DLGAP2: variants seen among roughly 807,000 people sequenced by gnomAD.
DLGAP2 encodes disks large-associated protein 2.
DLGAP2 carries 26 observed loss-of-function variants against 100.3 expected under a neutral mutation model. That is an observed-to-expected ratio of 0.26 (90% CI 0.19 to 0.36). The LOEUF is 0.36. Among genes scored for constraint, DLGAP2 ranks in the 10% least tolerant of loss-of-function variants. DLGAP2 has a pLI of 1.00. For missense variants in DLGAP2, 1,858 were observed against 1,453.2 expected, an observed-to-expected ratio of 1.28 and a Z score of -4.53; for synonymous variants, 886 against 630.1, an observed-to-expected ratio of 1.41 and a Z score of -6.08.
intron 2 of DLGAP2, among the ~76,000 whole-genome samples, chr8:1,181,284 G>T (rs1476742032): frequency 6.6e-6 from 1 of 152,252 alleles, no homozygotes; most frequent in African/African-American, 2.4e-5. Context: ...GTGTGCAAGG[G>T]CAGTACACTT....
intron 3 of DLGAP2, among the ~76,000 whole-genome samples, chr8:1,353,514 G>A (rs1255096076): frequency 1.3e-5 from 2 of 152,170 alleles, no homozygotes; most frequent in African/African-American, 4.8e-5. Context: ...CACGTTTAAG[G>A]TTGGCCAGGC....
At chr8:1,558,012 T>A (rs527595662) in intron 5 of DLGAP2, among the ~76,000 whole-genome samples, 17 of 152,340 alleles carry the variant, frequency 1.1e-4, no homozygotes, top group African/African-American at 4.1e-4. Flanking sequence ...TCCCGCTGAA[T>A]GGCTGAGGGC....
intron 2 of DLGAP2, among the ~76,000 whole-genome samples, chr8:1,102,268 CATATATA>C (rs931131111): frequency 3.4e-5 from 5 of 146,446 alleles, no homozygotes; most frequent in African/African-American, 1.2e-4. Context: ...TATTTACATA[CATATATA>C]ATATATAATA....
rs192885841 is a variant in DLGAP2 at position 1,252,769 on chromosome 8, G to A, written c.74-6082G>A. 5.6e-4 allele frequency among the ~76,000 whole-genome samples: 85 copies of A among 152,374 alleles called. No homozygotes were observed. In the East Asian group the frequency reaches 0.013, roughly 23 times the overall value. On this transcript the variant is annotated intron_variant, in intron 2 of 14. Transcript: ENST00000637795. Reference sequence around the variant, plus strand: ...CTAGAGCTCCTGTTGAAGCGCGGCCGGATGTGGTGCCTCCAGGTGGCTGCT... The same window carrying A: ...CTAGAGCTCCTGTTGAAGCGCGGCCAGATGTGGTGCCTCCAGGTGGCTGCT...
chr8:1,232,558 C>T (rs771485073), intron 2 of DLGAP2, among the ~76,000 whole-genome samples: 1 of 152,220 alleles, frequency 6.6e-6, no homozygotes, highest in African/African-American at 2.4e-5. Context: ...GTGATGGGGG[C>T]TGTGGCTGTT....
intron 1 of DLGAP2, among the ~76,000 whole-genome samples, chr8:781,994 C>T (rs1265302814): frequency 6.6e-6 from 1 of 151,926 alleles, no homozygotes; most frequent in Non-Finnish European, 1.5e-5. Flanking sequence ...AAAGAGAAAA[C>T]CTGGTGTTCA....
Position 921,051 on chromosome 8 carries a change from C to G in DLGAP2, c.73+13085C>G, listed in dbSNP as rs576150738. On this transcript the variant is annotated intron_variant, in intron 2 of 14. Coordinates refer to ENST00000637795, the MANE Select transcript of DLGAP2 (RefSeq NM_001346810.2). ...CAGGTTTACCTAAGTGTACATTTCA[C>G]TCTTTGTAACTTCGCAACTTGATGC... 2.3e-4 allele frequency among the ~76,000 whole-genome samples: 35 copies of G among 152,328 alleles called. 1 individual carries two copies. Among genetic ancestry groups the G allele is most frequent in the Admixed American group, 1.5e-3 (23 of 15,294 alleles).
At chr8:1,460,243 A>T (rs1300569439) in intron 3 of DLGAP2, among the ~76,000 whole-genome samples, 1 of 152,220 alleles carries the variant, frequency 6.6e-6, no homozygotes, top group East Asian at 1.9e-4. Context: ...GCTCCAATAC[A>T]ACAGAGCCAT....
intron 3 of DLGAP2, among the ~76,000 whole-genome samples, chr8:1,372,635 C>G (rs1186758524): frequency 8.5e-5 from 13 of 152,182 alleles, no homozygotes; most frequent in Non-Finnish European, 1.8e-4. Flanking sequence ...TCCAGAGTGA[C>G]CTGTCTGATG....
chr8:1,476,469 G>A (rs557605301), intron 3 of DLGAP2, among the ~76,000 whole-genome samples: 44 of 152,248 alleles, frequency 2.9e-4, no homozygotes, highest in African/African-American at 8.4e-4. Context: ...TCGGCTGAGC[G>A]CAGCGTGGGT....
chr8:1,660,239 G>C (rs925221491), intron 8 of DLGAP2, among the ~76,000 whole-genome samples: 1 of 152,154 alleles, frequency 6.6e-6, no homozygotes, highest in African/African-American at 2.4e-5. Context: ...TTCCCTTTGT[G>C]TGTAACCTGA....
At chr8:1,597,008 T>G (rs1472647814) in intron 6 of DLGAP2, among the ~76,000 whole-genome samples, 1 of 152,258 alleles carries the variant, frequency 6.6e-6, no homozygotes, top group Non-Finnish European at 1.5e-5. Context: ...GTCTTATGTT[T>G]AAGTCTTTTA....
chr8:1,081,461 C>T (rs1384251654), intron 2 of DLGAP2, among the ~76,000 whole-genome samples: 2 of 152,168 alleles, frequency 1.3e-5, no homozygotes, highest in African/African-American at 2.4e-5. Flanking sequence ...AAGCGATTCT[C>T]CTGCCTCAGC....
At chr8:1,301,401 C>G (rs1563070591) in intron 3 of DLGAP2, 1 of 152,164 alleles carries the variant, frequency 6.6e-6, no homozygotes, top group Non-Finnish European at 1.5e-5. Flanking sequence ...CTCTCAACAG[C>G]AACTGATGGG....
intron 1 of DLGAP2, among the ~76,000 whole-genome samples, chr8:854,603 ATG>A (rs1218488654): frequency 2.0e-5 from 3 of 151,848 alleles, no homozygotes; most frequent in African/African-American, 7.3e-5. Flanking sequence ...ATGTGCATGC[ATG>A]TGTGTGCATG....
chr8:1,498,911 C>G (rs1477377033), intron 3 of DLGAP2, among the ~76,000 whole-genome samples: 2 of 152,186 alleles, frequency 1.3e-5, no homozygotes, highest in Admixed American at 1.3e-4. Flanking sequence ...AGCTAGAAGG[C>G]CACACCGCAC....
At position 1,701,603 on chromosome 8, in the gene DLGAP2, TTTGTTG is replaced by T. The variant is rs796566572; in HGVS notation, c.*212_*217del. The T allele has an allele frequency of 3.7e-5, 23 of 617,258 alleles. 1 individual carries two copies. Among genetic ancestry groups the T allele is most frequent in the African/African-American group, 1.7e-4 (9 of 52,604 alleles). 38.2% of individuals were successfully genotyped at this position (617,258 alleles called of 1,614,324 possible). A position where few individuals can be genotyped will look rare whatever the true frequency, so the allele number is the denominator to read the frequency against. On this transcript the variant is annotated 3_prime_UTR_variant, in exon 15 of 15. Coordinates refer to ENST00000637795, the MANE Select transcript of DLGAP2 (RefSeq NM_001346810.2). Reference sequence around the variant, plus strand: ...GCTCGCGGCGAGGACGACTTCTGCTTTTGTTGTTGTTGTTGTTGTTCACGGGTGGCC... The same window carrying T: ...GCTCGCGGCGAGGACGACTTCTGCTTTTGTTGTTGTTGTTCACGGGTGGCC...
At chr8:1,154,762 C>T (rs917837572) in intron 2 of DLGAP2, among the ~76,000 whole-genome samples, 1 of 152,116 alleles carries the variant, frequency 6.6e-6, no homozygotes, top group African/African-American at 2.4e-5. Context: ...TGTGGCCGGG[C>T]ACCCTCTATA....
chr8:1,119,609 C>T (rs913733484), intron 2 of DLGAP2, among the ~76,000 whole-genome samples: 8 of 152,244 alleles, frequency 5.3e-5, no homozygotes, highest in Non-Finnish European at 2.9e-5. Context: ...CTGGTCCCAC[C>T]ACAGCACACA....
Sources: gnomAD v4.1 joint callset for allele counts (sites outside exome capture counted in the v4.1 genomes callset) on GRCh38, gnomAD v4.1.1 for gene constraint, MANE v1.5 for transcripts, NCBI Gene and HGNC (gene_info 2026-07-23, HGNC 2026-07-21) for gene names.